Variants in TAF4 observed in about 807,000 individuals in gnomAD.
TAF4 encodes transcription initiation factor TFIID subunit 4.
Under a neutral mutation model 90.3 loss-of-function variants are expected in TAF4, and 9 were observed. That is an observed-to-expected ratio of 0.10 (90% CI 0.06 to 0.17). TAF4 has a LOEUF of 0.17. Among genes scored for constraint, TAF4 ranks in the 10% least tolerant of loss-of-function variants. The pLI, the probability that TAF4 is intolerant of heterozygous loss-of-function variation, is 1.00. For synonymous variants in TAF4, 818 were observed against 638.9 expected (o/e 1.28, Z -4.23); for missense variants, 1,351 against 1,370.7 (o/e 0.99, Z 0.23).
Position 62,006,467 on chromosome 20 carries a change from G to C in TAF4, c.2223+43C>G, listed in dbSNP as rs980028632. 7.3e-7 allele frequency: 1 copy of C among 1,379,196 alleles called. No individual in the cohort carries two copies. The highest frequency in any genetic ancestry group is 1.5e-5 in the African/African-American group (1 of 67,210). 85.4% of individuals were successfully genotyped at this position (1,379,196 alleles called of 1,614,324 possible). ...TATCTAAGAAGCGGGCGGGAGCAGA[G>C]GCACGGTGGGCTGTGCAGACCAGTC... On this transcript the variant is annotated intron_variant, in intron 7 of 14. Transcript: ENST00000252996. This position sits in a 1 kb window ranked among gnomAD's most constrained non-coding sequence, Gnocchi z 7.0.
intron 2 of TAF4, 26 bp downstream of exon 2, chr20:62,014,521 G>A (rs1358385434): frequency 2.5e-6 from 4 of 1,572,204 alleles, no homozygotes; most frequent in East Asian, 2.3e-5. Context: ...GAAGGGGTTC[G>A]CACTCCAGGG....
At chr20:62,052,067 G>A (rs1316069420) in intron 1 of TAF4, among the ~76,000 whole-genome samples, 1 of 152,150 alleles carries the variant, frequency 6.6e-6, no homozygotes, top group African/African-American at 2.4e-5. Context: ...GTCCTGCACC[G>A]TGGACTCCCT....
chr20:62,020,528 T>C (rs903735501), intron 1 of TAF4, among the ~76,000 whole-genome samples: 4 of 152,218 alleles, frequency 2.6e-5, no homozygotes, highest in Admixed American at 2.6e-4. Context: ...TTCCCCAGCC[T>C]TTCTGGGTGT....
chr20:61,975,588 G>C lies in TAF4; in HGVS notation c.*580C>G, dbSNP rs958668790. On this transcript the variant is annotated 3_prime_UTR_variant, in exon 15 of 15. Coordinates refer to ENST00000252996, the MANE Select transcript of TAF4 (RefSeq NM_003185.4). ...AAGCAGAAATGCGATTACACTCTGA[G>C]GTGGGGGTGCAACGATGAATTGTGT... 4 of 152,752 alleles carry C rather than the reference G, an allele frequency of 2.6e-5. No homozygotes were observed. Among genetic ancestry groups the C allele is most frequent in the African/African-American group, 7.3e-5 (3 of 41,018 alleles). 9.5% of individuals were successfully genotyped at this position (152,752 alleles called of 1,614,324 possible).
At chr20:62,025,197 T>C (rs964349148) in intron 1 of TAF4, among the ~76,000 whole-genome samples, 1 of 152,160 alleles carries the variant, frequency 6.6e-6, no homozygotes, top group Non-Finnish European at 1.5e-5. Context: ...GAAAGGCAAG[T>C]GTGTGGCCTT....
intron 14 of TAF4, among the ~76,000 whole-genome samples, chr20:61,987,662 G>A (rs1004562368): frequency 2.6e-5 from 4 of 152,316 alleles, no homozygotes; most frequent in Admixed American, 2.0e-4. Flanking sequence ...ACAGTCTGGC[G>A]GTTTCTTACA....
At chr20:62,021,063 G>A (rs2055840263) in intron 1 of TAF4, among the ~76,000 whole-genome samples, 1 of 152,128 alleles carries the variant, frequency 6.6e-6, no homozygotes, top group African/African-American at 2.4e-5. Context: ...GGAGAGCTCA[G>A]CAGCCCTGAG....
At chr20:62,048,670 C>A (rs1217738866) in intron 1 of TAF4, among the ~76,000 whole-genome samples, 2 of 150,792 alleles carry the variant, frequency 1.3e-5, no homozygotes, top group Non-Finnish European at 3.0e-5. Flanking sequence ...GGCACCATCC[C>A]CCCAGGGCCC....
At chr20:62,008,290 T>A (rs1420926926) in intron 5 of TAF4, 1 of 152,156 alleles carries the variant, frequency 6.6e-6, no homozygotes, top group Non-Finnish European at 1.5e-5. Flanking sequence ...CCGGAAGACA[T>A]GGTCAGGCGG....
intron 1 of TAF4, among the ~76,000 whole-genome samples, chr20:62,057,138 C>T (rs1673539744): frequency 6.6e-6 from 1 of 152,148 alleles, no homozygotes; most frequent in African/African-American, 2.4e-5. Flanking sequence ...AGGCTGTGTC[C>T]CCCGACCCCA....
intron 14 of TAF4, among the ~76,000 whole-genome samples, chr20:61,994,126 C>T (rs1305356197): frequency 6.6e-6 from 1 of 151,190 alleles, no homozygotes; most frequent in African/African-American, 2.4e-5. Context: ...AAAGGCTAAT[C>T]AATATCTTTC....
intron 14 of TAF4, among the ~76,000 whole-genome samples, chr20:61,991,736 A>G (rs2055632939): frequency 6.6e-6 from 1 of 152,208 alleles, no homozygotes; most frequent in South Asian, 2.1e-4. Flanking sequence ...CAGAACAAAC[A>G]CAAAGGATCA....
In TAF4 at chr20:62,052,805, C is replaced by T. The variant is rs552741996; in HGVS notation, c.1360+11646G>A. 2.1e-5 allele frequency among the ~76,000 whole-genome samples: 3 copies of T among 143,948 alleles called. No individual in the cohort carries two copies. In the East Asian group the frequency reaches 6.3e-4, roughly 30 times the overall value. 94.4% of individuals were successfully genotyped at this position (143,948 alleles called of 152,430 possible). A position where few individuals can be genotyped will look rare whatever the true frequency, so the allele number is the denominator to read the frequency against. On this transcript the variant is annotated intron_variant, in intron 1 of 14. Coordinates refer to ENST00000252996, the MANE Select transcript of TAF4 (RefSeq NM_003185.4). ...ACAACACCAGGTCCCTCACACCACC[C>T]CACCCCCACAGTACCAGATCCCTCG... is the stretch of plus-strand genomic sequence containing the variant.
intron 14 of TAF4, among the ~76,000 whole-genome samples, chr20:61,997,242 C>G (rs540223380): frequency 6.6e-6 from 1 of 152,334 alleles, no homozygotes; most frequent in Non-Finnish European, 1.5e-5. Flanking sequence ...GCACAATCAG[C>G]AAGATCCCTA....
At chr20:62,035,280 G>A (rs2055926171) in intron 1 of TAF4, among the ~76,000 whole-genome samples, 1 of 152,158 alleles carries the variant, frequency 6.6e-6, no homozygotes, top group South Asian at 2.1e-4. Flanking sequence ...GCAACAGAAT[G>A]GAGTATTACC....
At chr20:62,041,131 C>T (rs572614885) in intron 1 of TAF4, among the ~76,000 whole-genome samples, 36 of 152,320 alleles carry the variant, frequency 2.4e-4, no homozygotes, top group Non-Finnish European at 4.9e-4. Flanking sequence ...ACACCGACGG[C>T]GAGAGGCGGC....
intron 1 of TAF4, among the ~76,000 whole-genome samples, chr20:62,052,152 T>C (rs1348397994): frequency 6.6e-6 from 1 of 151,926 alleles, no homozygotes; most frequent in Non-Finnish European, 1.5e-5. Flanking sequence ...TGGGGTGCAG[T>C]AGCGGGGTGC....
intron 14 of TAF4, chr20:61,979,450 C>G (rs1452258489): frequency 1.3e-5 from 2 of 148,846 alleles, no homozygotes; most frequent in Non-Finnish European, 3.0e-5. Context: ...AGAGGGACTG[C>G]GGCCCGTGCA....
Position 62,006,465 on chromosome 20 carries a change from G to A in TAF4, c.2223+45C>T, listed in dbSNP as rs767307592. 2 of 1,375,680 alleles carry A rather than the reference G, an allele frequency of 1.5e-6. No individual in the cohort carries two copies. Among genetic ancestry groups the A allele is most frequent in the Non-Finnish European group, 1.9e-6 (2 of 1,060,958 alleles). 85.2% of individuals were successfully genotyped at this position (1,375,680 alleles called of 1,614,324 possible). ...TTTATCTAAGAAGCGGGCGGGAGCA[G>A]AGGCACGGTGGGCTGTGCAGACCAG... On this transcript the variant is annotated intron_variant, in intron 7 of 14. Transcript: ENST00000252996. This position sits in a 1 kb window ranked among gnomAD's most constrained non-coding sequence, Gnocchi z 7.0.
Sources: gnomAD v4.1 joint callset for allele counts (sites outside exome capture counted in the v4.1 genomes callset) on GRCh38, gnomAD v4.1.1 for gene constraint, Gnocchi (gnomAD v3.1) non-coding constraint, MANE v1.5 for transcripts, NCBI Gene and HGNC (gene_info 2026-07-23, HGNC 2026-07-21) for gene names.